Variants in EBF2 observed in about 807,000 individuals in gnomAD.
EBF2 encodes the protein EBF transcription factor 2.
A neutral mutation model predicts 72.8 loss-of-function variants in EBF2; 21 were observed. That is an observed-to-expected ratio of 0.29 (90% confidence interval 0.20 to 0.42). The LOEUF is 0.42. Among genes scored for constraint, EBF2 ranks in the 10% least tolerant of loss-of-function variants. The pLI is 1.00. For synonymous variants in EBF2, 299 were observed against 274.2 expected, an observed-to-expected ratio of 1.09 and a Z score of -0.89; for missense variants, 637 against 731.2, an observed-to-expected ratio of 0.87 and a Z score of 1.49.
chr8:25,911,219 C>T (rs1803124092), intron 6 of EBF2, among the ~76,000 whole-genome samples: 1 of 152,170 alleles, frequency 6.6e-6, no homozygotes. Flanking sequence ...CACTAAGAAA[C>T]GGGAAACCCA....
intron 6 of EBF2, among the ~76,000 whole-genome samples, chr8:26,008,539 G>A (rs554524672): frequency 4.6e-5 from 7 of 152,172 alleles, no homozygotes; most frequent in Non-Finnish European, 7.4e-5. Flanking sequence ...AACCTACTAC[G>A]TTAACCACTA....
intron 6 of EBF2, among the ~76,000 whole-genome samples, chr8:26,021,000 C>A (rs548723977): frequency 6.6e-6 from 1 of 152,194 alleles, no homozygotes. Context: ...ATTTATCACT[C>A]GAGCCTAAAC....
chr8:25,888,076 T>C, intron 8 of EBF2, 104 bp from the exon 9 acceptor site: 2 of 1,273,168 alleles, frequency 1.6e-6, no homozygotes. Flanking sequence ...GGGCCACGTA[T>C]AAAATACACT....
chr8:25,966,432 ACTCT>A (rs1254226853), intron 6 of EBF2, among the ~76,000 whole-genome samples: 1 of 152,192 alleles, frequency 6.6e-6, no homozygotes, highest in Non-Finnish European at 1.5e-5. Context: ...CACTTTCCGG[ACTCT>A]ACCCTCATCC....
intron 6 of EBF2, among the ~76,000 whole-genome samples, chr8:25,990,012 C>G (rs1051508634): frequency 6.6e-6 from 1 of 152,118 alleles, no homozygotes; most frequent in Admixed American, 6.5e-5. Flanking sequence ...CTCTTCCCAG[C>G]CTTGAAGGTT....
intron 14 of EBF2, among the ~76,000 whole-genome samples, chr8:25,857,163 A>G (rs777153138): frequency 6.6e-6 from 1 of 152,176 alleles, no homozygotes; most frequent in Non-Finnish European, 1.5e-5. Context: ...GACACAACAT[A>G]GAACTCTTGT....
chr8:25,876,096 G>A lies in EBF2; in HGVS notation c.1009+10659C>T, dbSNP rs113587766. 3.9e-4 allele frequency among the ~76,000 whole-genome samples: 59 copies of A among 152,192 alleles called. 1 individual carries two copies. The highest frequency in any genetic ancestry group is 4.1e-4 in the South Asian group (2 of 4,828). ...TATGCAGCCATAAAAAGGAATGAGA[G>A]CATGTCATATTTGCAGGGACATGGA... On this transcript the variant is annotated intron_variant, in intron 10 of 15. Transcript: ENST00000520164.
intron 10 of EBF2, among the ~76,000 whole-genome samples, chr8:25,868,620 A>T (rs1021536184): frequency 6.6e-6 from 1 of 152,136 alleles, no homozygotes; most frequent in Admixed American, 6.5e-5. Context: ...AACTTGGGCT[A>T]CAGACATGCA....
chr8:25,869,327 G>A (rs1411987358), intron 10 of EBF2, among the ~76,000 whole-genome samples: 2 of 152,138 alleles, frequency 1.3e-5, no homozygotes, highest in Non-Finnish European at 2.9e-5. Context: ...TCAAGTTGGA[G>A]ACAGGGGAGC....
intron 6 of EBF2, among the ~76,000 whole-genome samples, chr8:25,945,160 G>C (rs1803746832): frequency 7.9e-6 from 1 of 127,388 alleles, no homozygotes; most frequent in Admixed American, 1.1e-4. Flanking sequence ...TACAGTTCCT[G>C]TCACCTGACT....
chr8:25,976,731 A>G (rs557259562), intron 6 of EBF2, among the ~76,000 whole-genome samples: 2 of 152,322 alleles, frequency 1.3e-5, no homozygotes, highest in Admixed American at 6.5e-5. Flanking sequence ...AAATGTGTAT[A>G]CATTAGGGTT....
chr8:25,852,489 T>C (rs921981376), intron 14 of EBF2, among the ~76,000 whole-genome samples: 1 of 152,202 alleles, frequency 6.6e-6, no homozygotes, highest in African/African-American at 2.4e-5. Flanking sequence ...AAGAGGTTTT[T>C]ACAATGTGAA....
At chr8:26,019,423 C>A (rs1448881828) in intron 6 of EBF2, among the ~76,000 whole-genome samples, 1 of 152,190 alleles carries the variant, frequency 6.6e-6, no homozygotes, top group Non-Finnish European at 1.5e-5. Flanking sequence ...AGATCTCAAT[C>A]CAAGCAATTG....
At chr8:26,011,556 C>T (rs1805022547) in intron 6 of EBF2, among the ~76,000 whole-genome samples, 1 of 151,874 alleles carries the variant, frequency 6.6e-6, no homozygotes, top group African/African-American at 2.4e-5. Context: ...CAACCAGGAC[C>T]ATGCCACAAT....
chr8:25,999,236 A>C (rs1804683097), intron 6 of EBF2, among the ~76,000 whole-genome samples: 1 of 152,198 alleles, frequency 6.6e-6, no homozygotes, highest in Non-Finnish European at 1.5e-5. Flanking sequence ...AATGAAAAAC[A>C]ATCTATTGCC....
chr8:26,000,870 T>C (rs549760180), intron 6 of EBF2, among the ~76,000 whole-genome samples: 4 of 152,172 alleles, frequency 2.6e-5, no homozygotes, highest in Non-Finnish European at 5.9e-5. Context: ...GCTAACCCAA[T>C]AAATAAAGGA....
At chr8:25,943,327 A>G (rs995081305) in intron 6 of EBF2, among the ~76,000 whole-genome samples, 3 of 136,856 alleles carry the variant, frequency 2.2e-5, no homozygotes, top group Non-Finnish European at 4.4e-5. Context: ...AAAAAAAAAA[A>G]AAAAAAGAAA....
intron 6 of EBF2, among the ~76,000 whole-genome samples, chr8:26,015,081 G>A (rs1007964909): frequency 7.9e-5 from 12 of 152,114 alleles, no homozygotes; most frequent in African/African-American, 2.7e-4. Context: ...TAAAAGAGTG[G>A]AGGAAACAAA....
chr8:25,981,969 A>T (rs1226956950), intron 6 of EBF2, among the ~76,000 whole-genome samples: 1 of 152,150 alleles, frequency 6.6e-6, no homozygotes, highest in Non-Finnish European at 1.5e-5. Context: ...ATTTTTTGCA[A>T]ACCAAAGGCT....
Sources: gnomAD v4.1 joint callset for allele counts (sites outside exome capture counted in the v4.1 genomes callset) on GRCh38, gnomAD v4.1.1 for gene constraint, MANE v1.5 for transcripts, NCBI Gene and HGNC (gene_info 2026-07-23, HGNC 2026-07-21) for gene names.